The following KIF26B variants were observed in gnomAD, a reference collection of about 807,000 sequenced individuals.
KIF26B encodes kinesin family member 26B.
In KIF26B, 63 loss-of-function variants were observed where a neutral mutation model predicts 151.2. The ratio of observed to expected loss-of-function variants is 0.42; its 90% CI spans 0.34 to 0.51. The LOEUF (loss-of-function observed/expected upper bound fraction) is 0.51. KIF26B is among the 20% of genes least tolerant of loss of function. KIF26B has a pLI of 0.07. For synonymous variants in KIF26B, 1,357 were observed against 1,262.1 expected (o/e 1.08, Z -1.59); for missense variants, 2,813 against 2,913.6 (o/e 0.97, Z 0.79).
chr1:245,384,159 T>C (rs546926362), intron 3 of KIF26B, among the ~76,000 whole-genome samples: 1 of 152,300 alleles, frequency 6.6e-6, no homozygotes, highest in African/African-American at 2.4e-5. Flanking sequence ...CCCCTGACAG[T>C]GTGCTCCGGC....
chr1:245,467,827 G>A (rs1392059343), intron 4 of KIF26B, among the ~76,000 whole-genome samples: 1 of 152,048 alleles, frequency 6.6e-6, no homozygotes, highest in Non-Finnish European at 1.5e-5. Context: ...CCCAGGAGGT[G>A]GAGGTTGCAG....
At chr1:245,338,724 T>C (rs1237084911) in intron 2 of KIF26B, among the ~76,000 whole-genome samples, 1 of 152,156 alleles carries the variant, frequency 6.6e-6, no homozygotes. Context: ...TTGTAACCTC[T>C]GACCCGAAGG....
At chr1:245,448,258 A>G (rs891665305) in intron 4 of KIF26B, among the ~76,000 whole-genome samples, 4 of 152,246 alleles carry the variant, frequency 2.6e-5, no homozygotes, top group South Asian at 2.1e-4. Flanking sequence ...CCCAGGCTGG[A>G]GTGCAGTGGC....
chr1:245,176,482 C>T (rs1350527912), intron 2 of KIF26B, among the ~76,000 whole-genome samples: 2 of 152,278 alleles, frequency 1.3e-5, no homozygotes, highest in Middle Eastern at 3.4e-3. Flanking sequence ...TTTTCTGCAT[C>T]CCAGATGTTC....
intron 4 of KIF26B, among the ~76,000 whole-genome samples, chr1:245,459,082 C>CT (rs1659597898): frequency 6.6e-6 from 1 of 152,200 alleles, no homozygotes; most frequent in Non-Finnish European, 1.5e-5. Flanking sequence ...CCCTTGCCTC[C>CT]TGTGATTCAA....
chr1:245,320,554 A>T (rs114635266), intron 2 of KIF26B, among the ~76,000 whole-genome samples: 2,004 of 152,338 alleles, frequency 0.013, 50 homozygotes, highest in African/African-American at 0.046. Flanking sequence ...AAATGAATAA[A>T]GACCCAGTGA....
At chr1:245,689,175 G>A (rs553194737) in intron 12 of KIF26B, among the ~76,000 whole-genome samples, 217 of 152,342 alleles carry the variant, frequency 1.4e-3, no homozygotes, top group Non-Finnish European at 2.4e-3. Context: ...AGCATGACCC[G>A]CACCTGCTCG....
chr1:245,690,576 T>C (rs186179883), intron 12 of KIF26B, among the ~76,000 whole-genome samples: 7 of 152,292 alleles, frequency 4.6e-5, no homozygotes, highest in Non-Finnish European at 1.0e-4. Context: ...ATCAAAGAAA[T>C]CCACCTTAAG....
intron 2 of KIF26B, among the ~76,000 whole-genome samples, chr1:245,237,390 C>T (rs1670129861): frequency 6.6e-6 from 1 of 152,158 alleles, no homozygotes; most frequent in South Asian, 2.1e-4. Flanking sequence ...CTGTTGGCTC[C>T]TGGAAGCCAT....
intron 5 of KIF26B, among the ~76,000 whole-genome samples, chr1:245,561,313 G>C (rs2042947148): frequency 6.6e-6 from 1 of 152,196 alleles, no homozygotes; most frequent in East Asian, 1.9e-4. Context: ...CCGATACAGA[G>C]GGAAGCCATT....
In KIF26B at chr1:245,448,505, C is replaced by T. The variant is rs765846239; in HGVS notation, c.1166+28760C>T. Among the ~76,000 whole-genome samples the T allele has an allele frequency of 7.0e-4, 106 of 152,152 alleles. 1 individual carries two copies. The highest frequency in any genetic ancestry group is 7.1e-4 in the Non-Finnish European group (48 of 68,036). ...GATTACAGGCATGAGCGACCATGCC[C>T]GGCTTGAATTCTGTTGTTTTTAACT... On this transcript the variant is annotated intron_variant, in intron 4 of 14. Transcript: ENST00000407071.
At chr1:245,294,198 T>C (rs1671299874) in intron 2 of KIF26B, among the ~76,000 whole-genome samples, 1 of 152,142 alleles carries the variant, frequency 6.6e-6, no homozygotes, top group South Asian at 2.1e-4. Context: ...ACAGTTGTGT[T>C]GGAAACCTCC....
At chr1:245,461,036 G>A (rs1228555466) in intron 4 of KIF26B, among the ~76,000 whole-genome samples, 1 of 152,196 alleles carries the variant, frequency 6.6e-6, no homozygotes, top group African/African-American at 2.4e-5. Flanking sequence ...CAGGCGTTCT[G>A]GGGTGTAATC....
intron 2 of KIF26B, among the ~76,000 whole-genome samples, chr1:245,343,032 G>A (rs1168941741): frequency 1.4e-5 from 2 of 144,918 alleles, no homozygotes; most frequent in Non-Finnish European, 1.5e-5. Context: ...CTTGCAGTGA[G>A]CCGAGATCAC....
Position 245,253,508 on chromosome 1 carries a change from C to T in KIF26B, c.465+96825C>T, listed in dbSNP as rs116610830. Among the ~76,000 whole-genome samples the T allele has an allele frequency of 8.6e-3, 1,314 of 151,936 alleles. 19 individuals carry two copies. The highest frequency in any genetic ancestry group is 0.03 in the African/African-American group (1,233 of 41,458). On this transcript the variant is annotated intron_variant, in intron 2 of 14. Coordinates refer to ENST00000407071, the MANE Select transcript of KIF26B (RefSeq NM_018012.4). ...CTTATAATTTTCTTTTCTTGCACTC[C>T]CTTCATTTAGTTTGGTTTCAGAGTG...
intron 9 of KIF26B, among the ~76,000 whole-genome samples, chr1:245,623,054 T>G: frequency 1.4e-5 from 1 of 69,174 alleles, no homozygotes; most frequent in South Asian, 5.1e-4. Flanking sequence ...TTTTTTTTTG[T>G]TGTTTTTTAA....
chr1:245,305,806 C>T (rs974772440), intron 2 of KIF26B, among the ~76,000 whole-genome samples: 4 of 151,608 alleles, frequency 2.6e-5, no homozygotes, highest in South Asian at 2.1e-4. Flanking sequence ...GGTGTGGTGG[C>T]GGGCGCCTGT....
chr1:245,223,595 T>C (rs1185205779), intron 2 of KIF26B, among the ~76,000 whole-genome samples: 1 of 152,210 alleles, frequency 6.6e-6, no homozygotes, highest in Non-Finnish European at 1.5e-5. Flanking sequence ...TCTCATAGTT[T>C]TGTGTGTTTT....
rs746147206 is a variant in KIF26B at position 245,688,744 on chromosome 1, A to C, written c.5761A>C (p.Asn1921His). ...CTCGGCGCAGGACTCCACGAGCGAG[A>C]ACAGCAGCTCCGTGGGCGGCAGGTG... Reference protein sequence around the residue: ...ASSAQDSTSENSSSVGGRCRS... With the variant: ...ASSAQDSTSEHSSSVGGRCRS... The change falls in exon 12 of 15, where the codon AAC (asparagine) becomes CAC (histidine). Residue 1921 changes from asparagine (N) to histidine (H), a missense_variant. Asn to His is a moderately conservative substitution (Grantham distance 68). Around this residue, in one of 3 missense-constraint regions of KIF26B, gnomAD observed 2,060 missense variants for 2,088.6 expected, o/e 0.99. Coordinates refer to ENST00000407071, the MANE Select transcript of KIF26B (RefSeq NM_018012.4). 1 of 1,605,710 alleles carries C rather than the reference A, an allele frequency of 6.2e-7. No individual in the cohort carries two copies.
Sources: allele counts gnomAD v4.1 joint callset (sites outside exome capture counted in the v4.1 genomes callset), GRCh38; gene constraint gnomAD v4.1.1; regional missense constraint gnomAD v4.1.1; transcripts MANE v1.5; gene names NCBI Gene and HGNC (gene_info 2026-07-23, HGNC 2026-07-21).